The following BRCC3 variants were observed in gnomAD, a reference collection of about 807,000 sequenced individuals.
The protein encoded by BRCC3 is lys-63-specific deubiquitinase BRCC36.
BRCC3 carries 15 observed loss-of-function variants against 28.0 expected under a neutral mutation model. That is an observed-to-expected ratio of 0.54 (90% CI 0.36 to 0.82). The LOEUF is 0.82. BRCC3 is among the 40% of genes least tolerant of loss of function. The probability of loss-of-function intolerance (pLI) is 0.01; values close to 1 mark genes in which losing one functional copy is unlikely to be tolerated. For missense variants in BRCC3, 109 were observed against 225.9 expected, an observed-to-expected ratio of 0.48 and a Z score of 3.32; for synonymous variants, 66 against 80.3, an observed-to-expected ratio of 0.82 and a Z score of 0.95.
intron 5 of BRCC3, among the ~76,000 whole-genome samples, 167 bp from the exon 6 acceptor site, chrX:155,089,096 A>T (rs781964727): frequency 1.2e-4 from 13 of 111,773 alleles, no homozygotes; most frequent in Admixed American, 1.9e-4. Context: ...AAACATTTTT[A>T]CTTTGATATT....
chrX:155,073,528 A>G (rs1023075983), intron 3 of BRCC3, 97 bp downstream of exon 3: 1 of 951,760 alleles, frequency 1.1e-6, no homozygotes, highest in Non-Finnish European at 1.5e-6. Flanking sequence ...TTCTGGCTGG[A>G]TGAGATATTC....
chrX:155,091,328 GTGGTGTAATCT>G (rs2074173098), intron 7 of BRCC3, among the ~76,000 whole-genome samples: 1 of 109,454 alleles, frequency 9.1e-6, no homozygotes, highest in Admixed American at 9.7e-5. Context: ...CTGGAGTGCA[GTGGTGTAATCT>G]TGGCTCAGTG....
At chrX:155,110,812 A>G (rs1390501169) in intron 7 of BRCC3, among the ~76,000 whole-genome samples, 1 of 110,816 alleles carries the variant, frequency 9.0e-6, no homozygotes, top group Non-Finnish European at 1.9e-5. Context: ...GAACTCAACT[A>G]TATACTCTGG....
chrX:155,092,209 T>C (rs192426653), intron 7 of BRCC3, among the ~76,000 whole-genome samples: 11 of 112,276 alleles, frequency 9.8e-5, no homozygotes, highest in African/African-American at 3.2e-4. Context: ...TCACTTATAC[T>C]ACCCCATCTC....
At chrX:155,120,474 T>C (rs2074382624) in intron 10 of BRCC3, among the ~76,000 whole-genome samples, 1 of 112,392 alleles carries the variant, frequency 8.9e-6, no homozygotes, top group Non-Finnish European at 1.9e-5. Context: ...CCCTTTCTTT[T>C]AACTTGGAAG....
In BRCC3 at chrX:155,077,194, A is replaced by G. The variant is rs28997578; in HGVS notation, c.220A>G (p.Ile74Val). 1,121 of 1,188,365 alleles carry G rather than the reference A, an allele frequency of 9.4e-4. No individual in the cohort carries two copies. Among genetic ancestry groups the G allele is most frequent in the Non-Finnish European group, 9.7e-4 (853 of 881,119 alleles). Residue 74 changes from isoleucine (I) to valine (V), a missense_variant, in exon 4 of 11, where the codon ATT becomes GTT. Transcript: ENST00000330045. ...GGTTGATGCCGTCAGAATTGTTCAC[A>G]TTCATTCTGTCATCATCTTACGACG... ...EKVDAVRIVH[I>V]HSVIILRRSD...
chrX:155,101,745 T>C (rs2124286716), intron 7 of BRCC3, among the ~76,000 whole-genome samples: 1 of 111,937 alleles, frequency 8.9e-6, no homozygotes, highest in South Asian at 3.7e-4. Flanking sequence ...GTTTGTCTCA[T>C]TCTTTCCTCT....
chrX:155,113,744 T>TA (rs1343326993), intron 7 of BRCC3, among the ~76,000 whole-genome samples: 1 of 111,572 alleles, frequency 9.0e-6, no homozygotes, highest in Non-Finnish European at 1.9e-5. Flanking sequence ...ATCATATATT[T>TA]AATAAGGGGT....
At chrX:155,099,493 A>T (rs1331013946) in intron 7 of BRCC3, 1 of 1,087,100 alleles carries the variant, frequency 9.2e-7, no homozygotes, top group African/African-American at 1.9e-5. Flanking sequence ...CACTGGCAGA[A>T]CTCAGTCAAG....
rs782498112 is a variant in BRCC3 at position 155,072,369 on chromosome X, T to C, written c.140+26T>C. On this transcript the variant is annotated intron_variant, in intron 2 of 10. Coordinates refer to ENST00000330045, the MANE Select transcript of BRCC3 (RefSeq NM_001018055.3). ...GTAAGACTGTATTTGTTTACTCATA[T>C]CTTATAATCTCTAAGTCATTGTTAA... 7 of 1,138,008 alleles carry C rather than the reference T, an allele frequency of 6.2e-6. No individual in the cohort carries two copies. The South Asian group carries it at 1.3e-4, about 21-fold the overall frequency. 93.8% of individuals were successfully genotyped at this position (1,138,008 alleles called of 1,213,427 possible). A position where few individuals can be genotyped will look rare whatever the true frequency, so the allele number is the denominator to read the frequency against.
At chrX:155,105,147 CT>C (rs2074270568) in intron 7 of BRCC3, among the ~76,000 whole-genome samples, 1 of 112,131 alleles carries the variant, frequency 8.9e-6, no homozygotes, top group African/African-American at 3.2e-5. Flanking sequence ...AATTTTATCT[CT>C]TTCTAAATGG....
intron 10 of BRCC3, 94 bp downstream of exon 10, chrX:155,120,262 A>G (rs2074381474): frequency 6.0e-6 from 4 of 664,327 alleles, no homozygotes; most frequent in South Asian, 2.7e-5. Flanking sequence ...TATTTTTCAC[A>G]TGCAATCAGC....
At chrX:155,093,056 T>C (rs1569560512) in intron 7 of BRCC3, among the ~76,000 whole-genome samples, 2 of 111,329 alleles carry the variant, frequency 1.8e-5, no homozygotes, top group Admixed American at 9.6e-5. Context: ...GGCATTTTTT[T>C]CCCTTCTCTG....
chrX:155,099,149 GA>G (rs1223962248), intron 7 of BRCC3, among the ~76,000 whole-genome samples: 3 of 101,842 alleles, frequency 2.9e-5, no homozygotes, highest in East Asian at 3.0e-4. Context: ...GCATATATTA[GA>G]AAAAAAAATT....
intron 5 of BRCC3, among the ~76,000 whole-genome samples, chrX:155,082,459 A>T (rs1557294274): frequency 8.9e-6 from 1 of 112,336 alleles, no homozygotes; most frequent in Non-Finnish European, 1.9e-5. Context: ...AGACTTTAAA[A>T]TTTCATCTTA....
At chrX:155,105,221 G>C (rs782366922) in intron 7 of BRCC3, among the ~76,000 whole-genome samples, 1 of 112,129 alleles carries the variant, frequency 8.9e-6, no homozygotes, top group Non-Finnish European at 1.9e-5. Flanking sequence ...AGTGGCTCAT[G>C]TCTGTAATCC....
rs184258086 is a variant in BRCC3, at chrX:155,086,411, C to T, written c.404-2852C>T. Among the ~76,000 whole-genome samples, 633 of 111,835 alleles carry T rather than the reference C, an allele frequency of 5.7e-3. 5 individuals are homozygous for T. Among genetic ancestry groups the T allele is most frequent in the African/African-American group, 0.019 (590 of 30,773 alleles). On this transcript the variant is annotated intron_variant, in intron 5 of 10. Coordinates refer to ENST00000330045, the MANE Select transcript of BRCC3 (RefSeq NM_001018055.3). ...TTGCCCAGGCTGGAGTGCGATGGCG[C>T]GCCCTCTCAGGTAACTGCAACCGCC...
intron 5 of BRCC3, among the ~76,000 whole-genome samples, chrX:155,080,465 G>A (rs1452719849): frequency 1.0e-4 from 10 of 98,516 alleles, no homozygotes; most frequent in Non-Finnish European, 1.0e-4. Flanking sequence ...ATAGCAGTCA[G>A]AAAAAAAAAA....
At chrX:155,089,372 T>C in intron 6 of BRCC3, 21 bp downstream of exon 6, 8 of 942,781 alleles carry the variant, frequency 8.5e-6, no homozygotes, top group Non-Finnish European at 1.2e-5. Flanking sequence ...TGCATGTGTG[T>C]GTGTGTGTGT....
Sources: gnomAD v4.1 joint callset for allele counts (sites outside exome capture counted in the v4.1 genomes callset) on GRCh38, gnomAD v4.1.1 for gene constraint, MANE v1.5 for transcripts, NCBI Gene and HGNC (gene_info 2026-07-23, HGNC 2026-07-21) for gene names.